The following GRID2 variants were observed in gnomAD, a reference collection of about 807,000 sequenced individuals.
GRID2 encodes the protein glutamate receptor ionotropic, delta-2.
Under a neutral mutation model 114.8 loss-of-function variants are expected in GRID2, and 33 were observed. That is an observed-to-expected ratio of 0.29 (90% CI 0.22 to 0.38). The LOEUF (loss-of-function observed/expected upper bound fraction) is 0.38. Ranked by LOEUF, GRID2 falls within the 10% of genes least tolerant of loss-of-function variation. The pLI, the probability that GRID2 is intolerant of heterozygous loss-of-function variation, is 1.00. For missense variants in GRID2, 1,184 were observed against 1,257.7 expected, an observed-to-expected ratio of 0.94 and a Z score of 0.89; for synonymous variants, 505 against 449.9, an observed-to-expected ratio of 1.12 and a Z score of -1.55.
At chr4:92,625,996 T>C (rs1373723573) in intron 2 of GRID2, among the ~76,000 whole-genome samples, 1 of 152,024 alleles carries the variant, frequency 6.6e-6, no homozygotes. Flanking sequence ...GATCTGATTT[T>C]TGGCATCAGG....
intron 2 of GRID2, among the ~76,000 whole-genome samples, chr4:92,643,539 A>C (rs1445690830): frequency 6.6e-6 from 1 of 151,836 alleles, no homozygotes; most frequent in Admixed American, 6.6e-5. Context: ...ATATACTAAT[A>C]ACATTTAGGC....
chr4:93,002,511 G>A (rs1294101650), intron 2 of GRID2, among the ~76,000 whole-genome samples: 3 of 151,010 alleles, frequency 2.0e-5, no homozygotes, highest in Non-Finnish European at 3.0e-5. Context: ...AAACCTTCTC[G>A]GTGTCATACA....
chr4:93,726,668 TG>T (rs1729932069), intron 14 of GRID2, among the ~76,000 whole-genome samples: 1 of 152,144 alleles, frequency 6.6e-6, no homozygotes, highest in Non-Finnish European at 1.5e-5. Flanking sequence ...CATTGAGCAG[TG>T]GTTTGTAGTT....
At chr4:92,985,402 A>T (rs993158878) in intron 2 of GRID2, among the ~76,000 whole-genome samples, 4 of 151,790 alleles carry the variant, frequency 2.6e-5, no homozygotes, top group South Asian at 2.1e-4. Flanking sequence ...GCCGGGCTAA[A>T]TTTTTTTGTA....
chr4:93,627,184 G>A (rs1032866050), intron 14 of GRID2, among the ~76,000 whole-genome samples: 6 of 152,114 alleles, frequency 3.9e-5, no homozygotes, highest in African/African-American at 1.4e-4. Context: ...CCACATAGAA[G>A]TATATCCATT....
In GRID2 at chr4:93,145,644, CTTTTTTTTTTTTT is replaced by C. The variant is rs10605313; in HGVS notation, c.735+34710_735+34722del. ...CAGCTAGTTTTGTATTTCTTTTTTC[CTTTTTTTTTTTTT>C]TTTTTTTTTTTTTTTTTTAGTAGAG... On this transcript the variant is annotated intron_variant, in intron 4 of 15. Transcript: ENST00000282020. Among the ~76,000 whole-genome samples the C allele has an allele frequency of 4.8e-3, 218 of 45,716 alleles. 2 individuals are homozygous for C. The highest frequency in any genetic ancestry group is 0.025 in the Middle Eastern group (1 of 40). 30.0% of individuals were successfully genotyped at this position (45,716 alleles called of 152,430 possible).
At chr4:92,528,846 T>G (rs2149147575) in intron 1 of GRID2, among the ~76,000 whole-genome samples, 1 of 149,500 alleles carries the variant, frequency 6.7e-6, no homozygotes, top group East Asian at 2.0e-4. Flanking sequence ...AAAAAAGTCT[T>G]GCAGAAAGGA....
At chr4:93,732,138 T>C (rs112983255) in intron 14 of GRID2, among the ~76,000 whole-genome samples, 4 of 152,240 alleles carry the variant, frequency 2.6e-5, no homozygotes, top group Non-Finnish European at 2.9e-5. Flanking sequence ...ACTGAGACCA[T>C]AGGAGAAAGC....
At chr4:93,129,164 A>G (rs1222853728) in intron 4 of GRID2, among the ~76,000 whole-genome samples, 1 of 152,210 alleles carries the variant, frequency 6.6e-6, no homozygotes, top group Non-Finnish European at 1.5e-5. Flanking sequence ...CCACACAAAT[A>G]ACTTTTTTAT....
intron 2 of GRID2, among the ~76,000 whole-genome samples, chr4:92,875,932 G>A (rs1214905895): frequency 1.3e-5 from 2 of 152,102 alleles, no homozygotes; most frequent in African/African-American, 2.4e-5. Flanking sequence ...TTCAATTGAG[G>A]AAAGTTCTTG....
Position 92,858,580 on chromosome 4 carries a change from C to T in GRID2, c.245-226415C>T, listed in dbSNP as rs532097527. ...TTTGTTTTTTTTCTTTCTTTTGAGA[C>T]GGAGTCTCACACTTTCGCCCAGGCT... On this transcript the variant is annotated intron_variant, in intron 2 of 15. Transcript: ENST00000282020. 5.3e-5 allele frequency among the ~76,000 whole-genome samples: 8 copies of T among 152,042 alleles called. No homozygotes were observed. The East Asian group carries it at 5.8e-4, about 11-fold the overall frequency.
intron 1 of GRID2, among the ~76,000 whole-genome samples, chr4:92,575,195 T>G (rs1727824141): frequency 6.6e-6 from 1 of 152,234 alleles, no homozygotes; most frequent in South Asian, 2.1e-4. Context: ...TGTGGCTATT[T>G]TGCCTGTCAG....
chr4:93,399,933 G>A (rs1765713756), intron 9 of GRID2, among the ~76,000 whole-genome samples: 1 of 152,050 alleles, frequency 6.6e-6, no homozygotes, highest in Non-Finnish European at 1.5e-5. Flanking sequence ...CCATTTGATA[G>A]GACCTATTAT....
chr4:92,424,559 A>C (rs1043789866), intron 1 of GRID2, among the ~76,000 whole-genome samples: 4 of 152,058 alleles, frequency 2.6e-5, no homozygotes, highest in African/African-American at 9.7e-5. Context: ...ATGACACATA[A>C]GCCACCAACA....
chr4:92,704,701 A>ATCTCTCTCTCTCTCTCTCTCTTTCTC (rs1204622045), intron 2 of GRID2, among the ~76,000 whole-genome samples: 79 of 113,696 alleles, frequency 6.9e-4, no homozygotes, highest in Admixed American at 3.1e-3. Context: ...CAATCAATCA[A>ATCTCTCTCTCTCTCTCTCTCTTTCTC]TCTCTCTCTC....
intron 11 of GRID2, among the ~76,000 whole-genome samples, chr4:93,475,905 G>A (rs1489482290): frequency 6.6e-6 from 1 of 152,138 alleles, no homozygotes; most frequent in Non-Finnish European, 1.5e-5. Flanking sequence ...TCACTACAGA[G>A]TGGCAGGTTC....
intron 2 of GRID2, among the ~76,000 whole-genome samples, chr4:92,954,146 C>G (rs1752218919): frequency 6.6e-6 from 1 of 151,890 alleles, no homozygotes; most frequent in Non-Finnish European, 1.5e-5. Flanking sequence ...AAAGATTTCT[C>G]AAATATAGAT....
chr4:93,375,052 T>C (rs1176509658), intron 8 of GRID2, among the ~76,000 whole-genome samples: 1 of 152,058 alleles, frequency 6.6e-6, no homozygotes, highest in African/African-American at 2.4e-5. Context: ...GGGAATGGCA[T>C]TCCAAAGCAA....
chr4:93,085,326 G>A, intron 3 of GRID2, 47 bp downstream of exon 3: 3 of 1,389,928 alleles, frequency 2.2e-6, no homozygotes, highest in Non-Finnish European at 3.1e-6. Context: ...ATATTTGCAT[G>A]AGAAGCAAAT....
Sources: allele counts gnomAD v4.1 joint callset (sites outside exome capture counted in the v4.1 genomes callset), GRCh38; gene constraint gnomAD v4.1.1; transcripts MANE v1.5; gene names NCBI Gene and HGNC (gene_info 2026-07-23, HGNC 2026-07-21).